The following HDAC9 variants were observed in gnomAD, a reference collection of about 807,000 sequenced individuals.
HDAC9 encodes MEF-2 interacting transcription repressor (MITR) protein.
HDAC9 carries 41 observed loss-of-function variants against 139.4 expected under a neutral mutation model. The ratio of observed to expected loss-of-function variants is 0.29; its 90% CI spans 0.23 to 0.38. The LOEUF is 0.38. Ranked by LOEUF, HDAC9 falls within the 10% of genes least tolerant of loss-of-function variation. HDAC9 has a pLI of 1.00. For missense variants in HDAC9, 1,147 were observed against 1,297.0 expected (o/e 0.88, Z 1.78); for synonymous variants, 517 against 476.2 (o/e 1.09, Z -1.12).
intron 23 of HDAC9, among the ~76,000 whole-genome samples, chr7:18,952,631 A>G (rs1233681454): frequency 6.6e-6 from 1 of 152,018 alleles, no homozygotes; most frequent in African/African-American, 2.4e-5. Context: ...ACCTTGTCTA[A>G]TGCATAAGAG....
intron 2 of HDAC9, among the ~76,000 whole-genome samples, chr7:18,218,810 A>G (rs1211423121): frequency 6.6e-6 from 1 of 152,212 alleles, no homozygotes; most frequent in Non-Finnish European, 1.5e-5. Flanking sequence ...GTTTCTTAAC[A>G]TTATTTTATA....
chr7:18,644,527 T>G (rs1786743406), intron 8 of HDAC9, 144 bp from the exon 9 acceptor site: 2 of 554,636 alleles, frequency 3.6e-6, no homozygotes, highest in Non-Finnish European at 5.6e-6. Flanking sequence ...AATTTGACAT[T>G]ATAACTTTTG....
chr7:18,583,275 T>TA (rs1348146354), intron 2 of HDAC9, among the ~76,000 whole-genome samples: 1 of 152,184 alleles, frequency 6.6e-6, no homozygotes, highest in Non-Finnish European at 1.5e-5. Flanking sequence ...ATCTCCAAGT[T>TA]ACGGATGAGG....
chr7:18,799,170 AC>A (rs1266571769), intron 17 of HDAC9, among the ~76,000 whole-genome samples: 2 of 152,116 alleles, frequency 1.3e-5, no homozygotes, highest in African/African-American at 4.8e-5. Flanking sequence ...TCATTGACTG[AC>A]CACTAAGCTA....
chr7:18,999,648 AGG>A lies in HDAC9; in HGVS notation c.*3587_*3588del, dbSNP rs1486308936. The stretch of plus-strand genomic sequence containing the variant: ...GAGACGGGGTTTCTCCATGTTGGTC[AGG>A]CTGGTCTCAAACTCCCGACCTCAGG... On this transcript the variant is annotated 3_prime_UTR_variant, in exon 26 of 26. Transcript: ENST00000686413. 2 of 152,164 alleles carry A rather than the reference AGG, an allele frequency of 1.3e-5. No individual in the cohort carries two copies. The highest frequency in any genetic ancestry group is 1.5e-5 in the Non-Finnish European group (1 of 68,048). 9.4% of individuals were successfully genotyped at this position (152,164 alleles called of 1,614,324 possible).
chr7:18,572,517 A>G lies in HDAC9; in HGVS notation c.23-12764A>G, dbSNP rs569979609. The stretch of plus-strand genomic sequence containing the variant: ...TACGGGAAAGGGGACGGTTTGCACC[A>G]TCTTCCTCGTAGTTCCTTTAGAAGT... On this transcript the variant is annotated intron_variant, in intron 2 of 25. Coordinates refer to ENST00000686413, the MANE Select transcript of HDAC9 (RefSeq NM_178425.4). Among the ~76,000 whole-genome samples the G allele has an allele frequency of 1.1e-3, 170 of 152,056 alleles. 2 individuals carry two copies. The highest frequency in any genetic ancestry group is 3.8e-3 in the African/African-American group (159 of 41,554).
intron 25 of HDAC9, among the ~76,000 whole-genome samples, chr7:18,978,353 C>T (rs780623544): frequency 6.6e-6 from 1 of 152,108 alleles, no homozygotes; most frequent in Non-Finnish European, 1.5e-5. Flanking sequence ...ATGCTCCTGG[C>T]TAAGAACCAT....
intron 1 of HDAC9, among the ~76,000 whole-genome samples, chr7:18,464,457 A>G (rs1052604894): frequency 5.9e-5 from 9 of 151,948 alleles, no homozygotes; most frequent in Non-Finnish European, 1.2e-4. Flanking sequence ...TGGATAGCAC[A>G]TTATTTGTAT....
chr7:18,792,528 T>C lies in HDAC9; in HGVS notation c.2215-817T>C, dbSNP rs541270687. Among the ~76,000 whole-genome samples, 20 of 152,268 alleles carry C rather than the reference T, an allele frequency of 1.3e-4. No homozygotes were observed. The South Asian group carries it at 1.7e-3, about 13-fold the overall frequency. On this transcript the variant is annotated intron_variant, in intron 16 of 25. Coordinates refer to ENST00000686413, the MANE Select transcript of HDAC9 (RefSeq NM_178425.4). ...ATGTATGCATTATTATGTGTTTTCA[T>C]TGCATTCATGAAAAAGGGTAAACAG... is the stretch of plus-strand genomic sequence containing the variant.
chr7:18,368,889 G>C (rs1287215336), intron 1 of HDAC9, among the ~76,000 whole-genome samples: 1 of 152,046 alleles, frequency 6.6e-6, no homozygotes, highest in African/African-American at 2.4e-5. Context: ...CCTGATGCTT[G>C]AATATATTGC....
At chr7:18,901,197 A>G (rs1801671961) in intron 22 of HDAC9, among the ~76,000 whole-genome samples, 2 of 143,550 alleles carry the variant, frequency 1.4e-5, no homozygotes, top group South Asian at 4.4e-4. Context: ...CTGTATATAT[A>G]CTATATATAC....
chr7:18,520,198 CTG>C (rs1423740546), intron 2 of HDAC9, among the ~76,000 whole-genome samples: 1 of 152,032 alleles, frequency 6.6e-6, no homozygotes, highest in Non-Finnish European at 1.5e-5. Flanking sequence ...ATTTACGTAT[CTG>C]TGAGAAACTT....
chr7:18,155,954 C>G (rs1787166388), intron 1 of HDAC9, among the ~76,000 whole-genome samples: 1 of 152,136 alleles, frequency 6.6e-6, no homozygotes, highest in Non-Finnish European at 1.5e-5. Flanking sequence ...TTGCTTGTGC[C>G]CATCAGCTTC....
At chr7:18,607,783 A>G (rs374684344) in intron 6 of HDAC9, among the ~76,000 whole-genome samples, 2 of 151,976 alleles carry the variant, frequency 1.3e-5, no homozygotes, top group Admixed American at 6.6e-5. Flanking sequence ...GAAATATATA[A>G]TTGCATTTCA....
intron 1 of HDAC9, among the ~76,000 whole-genome samples, chr7:18,340,549 T>A (rs1781925513): frequency 6.6e-6 from 1 of 151,592 alleles, no homozygotes; most frequent in African/African-American, 2.4e-5. Context: ...TTTTAGTTGT[T>A]ACTTCAGGAT....
intron 16 of HDAC9, among the ~76,000 whole-genome samples, chr7:18,770,321 A>T (rs1225480572): frequency 6.6e-6 from 1 of 152,146 alleles, no homozygotes; most frequent in Non-Finnish European, 1.5e-5. Flanking sequence ...CCAGTTGAAA[A>T]GAACATTTGA....
At chr7:18,545,523 G>T (rs1484460801) in intron 2 of HDAC9, among the ~76,000 whole-genome samples, 2 of 152,056 alleles carry the variant, frequency 1.3e-5, no homozygotes, top group Non-Finnish European at 2.9e-5. Flanking sequence ...GGCCTAGGGG[G>T]TGTAGTAAAA....
chr7:18,182,907 A>T (rs531123300), intron 2 of HDAC9, among the ~76,000 whole-genome samples: 1 of 152,220 alleles, frequency 6.6e-6, no homozygotes, highest in Non-Finnish European at 1.5e-5. Context: ...ATCAATTAAA[A>T]AACGGAAGAA....
intron 2 of HDAC9, among the ~76,000 whole-genome samples, chr7:18,570,422 G>T (rs567293457): frequency 7.2e-5 from 11 of 152,154 alleles, no homozygotes; most frequent in African/African-American, 2.2e-4. Context: ...TGACAATTAT[G>T]AACAAATGTT....
Sources: allele counts gnomAD v4.1 joint callset (sites outside exome capture counted in the v4.1 genomes callset), GRCh38; gene constraint gnomAD v4.1.1; transcripts MANE v1.5; gene names NCBI Gene and HGNC (gene_info 2026-07-23, HGNC 2026-07-21).